Variants in GPC5 observed in about 807,000 individuals in gnomAD.
GPC5 encodes the protein glypican 5.
GPC5 carries 47 observed loss-of-function variants against 53.9 expected under a neutral mutation model. That is an observed-to-expected ratio of 0.87 (90% CI 0.69 to 1.11). The LOEUF (loss-of-function observed/expected upper bound fraction) is 1.11, where lower values mean the gene tolerates loss of function less well. Ranked by LOEUF, GPC5 falls within the 50% of genes most tolerant of loss-of-function variation. The pLI, the probability that GPC5 is intolerant of heterozygous loss-of-function variation, is 0.00. For missense variants in GPC5, 748 were observed against 713.1 expected, an observed-to-expected ratio of 1.05 and a Z score of -0.56; for synonymous variants, 286 against 263.3, an observed-to-expected ratio of 1.09 and a Z score of -0.84.
chr13:92,615,402 A>G (rs772653413), intron 7 of GPC5, among the ~76,000 whole-genome samples: 5 of 152,220 alleles, frequency 3.3e-5, no homozygotes, highest in East Asian at 1.9e-4. Context: ...AAACCTGTCA[A>G]TGTGCCCCCA....
intron 7 of GPC5, among the ~76,000 whole-genome samples, chr13:92,432,857 T>G (rs79501560): frequency 6.6e-6 from 1 of 152,080 alleles, no homozygotes; most frequent in African/African-American, 2.4e-5. Flanking sequence ...CCTTTCCTTT[T>G]GTATGTGTAG....
intron 7 of GPC5, among the ~76,000 whole-genome samples, chr13:92,319,195 T>C (rs149166105): frequency 6.6e-6 from 1 of 152,234 alleles, no homozygotes; most frequent in Non-Finnish European, 1.5e-5. Flanking sequence ...TCTGTTGTAT[T>C]TCTAACAAGT....
chr13:92,473,178 G>T (rs941006274), intron 7 of GPC5, among the ~76,000 whole-genome samples: 1 of 151,998 alleles, frequency 6.6e-6, no homozygotes, highest in Non-Finnish European at 1.5e-5. Flanking sequence ...TAGGTCTAAT[G>T]CATTTATAAT....
intron 6 of GPC5, among the ~76,000 whole-genome samples, chr13:91,971,556 T>A (rs1285396947): frequency 6.6e-6 from 1 of 152,144 alleles, no homozygotes; most frequent in African/African-American, 2.4e-5. Context: ...AATTGTGATG[T>A]TAGGGTGTCA....
intron 7 of GPC5, among the ~76,000 whole-genome samples, chr13:92,705,659 T>C (rs7338542): frequency 0.053 from 7,994 of 152,212 alleles, 599 homozygotes; most frequent in East Asian, 0.33. Flanking sequence ...TTCAAAAATT[T>C]AAAATTATAT....
chr13:92,296,801 G>A (rs1255607326), intron 7 of GPC5, among the ~76,000 whole-genome samples: 1 of 152,218 alleles, frequency 6.6e-6, no homozygotes, highest in African/African-American at 2.4e-5. Flanking sequence ...GAGGGACTTA[G>A]CACCCAGGCC....
intron 7 of GPC5, among the ~76,000 whole-genome samples, chr13:92,521,747 C>T (rs1482449878): frequency 6.6e-6 from 1 of 152,152 alleles, no homozygotes; most frequent in East Asian, 1.9e-4. Flanking sequence ...ACACCAAAAG[C>T]AATGGCAACA....
chr13:92,637,259 G>T (rs1380111353), intron 7 of GPC5, among the ~76,000 whole-genome samples: 3 of 152,120 alleles, frequency 2.0e-5, no homozygotes, highest in African/African-American at 7.2e-5. Flanking sequence ...ATGAGAATTT[G>T]GGAAAGAGAA....
intron 6 of GPC5, among the ~76,000 whole-genome samples, chr13:91,916,711 C>T (rs1384081896): frequency 3.3e-5 from 5 of 152,050 alleles, no homozygotes; most frequent in African/African-American, 4.8e-5. Flanking sequence ...CCTCAGGAAC[C>T]TTACAATCAT....
intron 5 of GPC5, among the ~76,000 whole-genome samples, chr13:91,897,209 A>G (rs74106571): frequency 0.029 from 4,339 of 152,242 alleles, 175 homozygotes; most frequent in African/African-American, 0.099. Flanking sequence ...TTAAAATAGT[A>G]ATTACTACAG....
chr13:92,300,309 A>C (rs4573803), intron 7 of GPC5, among the ~76,000 whole-genome samples: 1 of 152,070 alleles, frequency 6.6e-6, no homozygotes, highest in African/African-American at 2.4e-5. Context: ...GTTCTCTCCA[A>C]TTCCACCTTT....
chr13:92,513,993 A>G (rs1037730836), intron 7 of GPC5, among the ~76,000 whole-genome samples: 6 of 152,184 alleles, frequency 3.9e-5, no homozygotes, highest in African/African-American at 1.4e-4. Context: ...TTGTCTTAAA[A>G]GAAATGGCCT....
intron 7 of GPC5, among the ~76,000 whole-genome samples, chr13:92,364,014 T>C (rs909810590): frequency 4.6e-5 from 7 of 151,676 alleles, no homozygotes; most frequent in Non-Finnish European, 1.0e-4. Flanking sequence ...TGAAGATGTA[T>C]ATATTTTTTA....
chr13:92,604,032 G>C (rs935360646), intron 7 of GPC5, among the ~76,000 whole-genome samples: 1 of 152,140 alleles, frequency 6.6e-6, no homozygotes, highest in Non-Finnish European at 1.5e-5. Context: ...AAGAAGAGAA[G>C]AATGTATCAT....
At chr13:91,954,791 A>G (rs2040058334) in intron 6 of GPC5, among the ~76,000 whole-genome samples, 1 of 152,128 alleles carries the variant, frequency 6.6e-6, no homozygotes, top group Admixed American at 6.5e-5. Flanking sequence ...AGGATTAAAG[A>G]GAAATAAAAT....
chr13:92,620,806 G>T (rs1182109374), intron 7 of GPC5, among the ~76,000 whole-genome samples: 1 of 152,102 alleles, frequency 6.6e-6, no homozygotes, highest in African/African-American at 2.4e-5. Context: ...CATTATAGAG[G>T]AAATTACAAG....
intron 7 of GPC5, among the ~76,000 whole-genome samples, chr13:92,645,521 A>G (rs1191959357): frequency 6.6e-6 from 1 of 152,156 alleles, no homozygotes; most frequent in Non-Finnish European, 1.5e-5. Flanking sequence ...CTTTATATGT[A>G]TTACGTTTTC....
At chr13:92,464,528 C>T (rs967088475) in intron 7 of GPC5, among the ~76,000 whole-genome samples, 1 of 152,068 alleles carries the variant, frequency 6.6e-6, no homozygotes, top group South Asian at 2.1e-4. Context: ...AATGAATGCA[C>T]ACTGACTGCA....
intron 7 of GPC5, among the ~76,000 whole-genome samples, chr13:92,577,229 T>C (rs1332821054): frequency 6.6e-6 from 1 of 152,162 alleles, no homozygotes; most frequent in Non-Finnish European, 1.5e-5. Context: ...AGAATAATTG[T>C]GAAGGTATGT....
Sources: allele counts gnomAD v4.1 joint callset (sites outside exome capture counted in the v4.1 genomes callset), GRCh38; gene constraint gnomAD v4.1.1; transcripts MANE v1.5; gene names NCBI Gene and HGNC (gene_info 2026-07-23, HGNC 2026-07-21).